The following ST18 variants were observed in gnomAD, a reference collection of about 807,000 sequenced individuals.
ST18 encodes ST18 C2H2C-type zinc finger transcription factor.
ST18 carries 50 observed loss-of-function variants against 110.0 expected under a neutral mutation model. That is an observed-to-expected ratio of 0.45 (90% CI 0.36 to 0.58). The LOEUF (loss-of-function observed/expected upper bound fraction) is 0.58, where lower values mean the gene tolerates loss of function less well. Among genes scored for constraint, ST18 ranks in the 20% least tolerant of loss-of-function variants. The pLI is 0.00. For missense variants in ST18, 1,306 were observed against 1,280.1 expected, an observed-to-expected ratio of 1.02 and a Z score of -0.31; for synonymous variants, 461 against 452.4, an observed-to-expected ratio of 1.02 and a Z score of -0.24.
chr8:52,376,001 G>A (rs1383766522), intron 2 of ST18, among the ~76,000 whole-genome samples: 2 of 152,100 alleles, frequency 1.3e-5, no homozygotes, highest in Non-Finnish European at 2.9e-5. Flanking sequence ...TCTACCTTCA[G>A]AGCACATCCA....
Position 52,118,401 on chromosome 8 carries a change from T to C in ST18, c.2796A>G (p.Glu932=), listed in dbSNP as rs755561058. The C allele has an allele frequency of 2.5e-6, 4 of 1,612,096 alleles. No homozygotes were observed. The South Asian group carries it at 4.4e-5, about 18-fold the overall frequency. ...SDEEIRHLDE[E]IKELNESNLK... is the part of the protein sequence containing the mutation. ...GGTTGGATTCATTCAGTTCCTTTAT[T>C]TCTTCATCCAAATGCCTAATTTCTT... The change falls in exon 24 of 26, where the codon GAA becomes GAG. Residue 932 remains glutamate, a synonymous_variant. Transcript: ENST00000689386.
chr8:52,338,877 A>C (rs1258439674), intron 2 of ST18, among the ~76,000 whole-genome samples: 1 of 152,096 alleles, frequency 6.6e-6, no homozygotes, highest in Admixed American at 6.5e-5. Flanking sequence ...AGCTGAGACT[A>C]CAGGCACAAG....
chr8:52,262,622 G>A lies in ST18; in HGVS notation c.-464-32545C>T, dbSNP rs12155846. 2.9e-3 allele frequency among the ~76,000 whole-genome samples: 445 copies of A among 152,254 alleles called. 1 individual carries two copies. The highest frequency in any genetic ancestry group is 4.7e-3 in the Non-Finnish European group (317 of 68,006). On this transcript the variant is annotated intron_variant, in intron 2 of 25. Transcript: ENST00000689386. ...AATGAACTACTTTTGTGTTTGTGTC[G>A]TTGTACATTTTTTCTGCTGATTTCT...
At position 52,218,219 on chromosome 8, in the gene ST18, C is replaced by T. The variant is rs117988124; in HGVS notation, c.-156-318G>A. 5.3e-5 allele frequency among the ~76,000 whole-genome samples: 8 copies of T among 151,944 alleles called. 1 individual carries two copies. The highest frequency in any genetic ancestry group is 6.8e-3 in the Middle Eastern group (2 of 294). On this transcript the variant is annotated intron_variant, in intron 5 of 25. Transcript: ENST00000689386. ...ATATATATTTATAATATACCTCTCTCTCTATATATAATATACATTTATAAG... is the reference window on the plus strand; with the variant it reads ...ATATATATTTATAATATACCTCTCTTTCTATATATAATATACATTTATAAG...
At position 52,172,364 on chromosome 8, in the gene ST18, T is replaced by C; in HGVS notation, c.497A>G (p.Glu166Gly). The change falls in exon 10 of 26, where the codon GAG becomes GGG. Residue 166 changes from glutamate to glycine, a missense_variant. By Grantham distance (98) the Glu-to-Gly change is moderately conservative. Coordinates refer to ENST00000689386, the MANE Select transcript of ST18 (RefSeq NM_001352837.2). The part of the protein sequence containing the change: ...SLKAESDEAD[E>G]CFLIHSDDGR... ...ATCATCAGAATGAATCAGAAAGCACTCGTCTGCTTCATCGCTCTCTGCTTT... is the reference window on the plus strand; with the variant it reads ...ATCATCAGAATGAATCAGAAAGCACCCGTCTGCTTCATCGCTCTCTGCTTT... 6.2e-7 allele frequency: 1 copy of C among 1,614,164 alleles called. No homozygotes were observed. Among genetic ancestry groups the C allele is most frequent in the Non-Finnish European group, 8.5e-7 (1 of 1,180,026 alleles).
intron 25 of ST18, 37 bp downstream of exon 25, chr8:52,116,238 T>C: frequency 6.2e-7 from 1 of 1,600,648 alleles, no homozygotes; most frequent in Non-Finnish European, 8.5e-7. Flanking sequence ...CTGCAAATGC[T>C]TGTAATGGAA....
chr8:52,188,273 G>T (rs2134633874), intron 8 of ST18, among the ~76,000 whole-genome samples: 1 of 152,328 alleles, frequency 6.6e-6, no homozygotes, highest in South Asian at 2.1e-4. Context: ...TTGAGATCAT[G>T]TGGTCAGGAA....
intron 2 of ST18, among the ~76,000 whole-genome samples, chr8:52,357,679 ATAT>A (rs1564567970): frequency 1.5e-4 from 3 of 19,716 alleles, no homozygotes; most frequent in African/African-American, 2.5e-4. Flanking sequence ...ATCTATAAAT[ATAT>A]ATATATATAT....
In ST18 at chr8:52,110,861, C is replaced by T. The variant is rs2040348525; in HGVS notation, c.*2337G>A. On this transcript the variant is annotated 3_prime_UTR_variant, in exon 26 of 26. Coordinates refer to ENST00000689386, the MANE Select transcript of ST18 (RefSeq NM_001352837.2). Reference sequence around the variant, plus strand: ...ACTCGTTATCAATTTTTATTTCCTACCATACACCAAATGTACAGCACTGAA... The same window carrying T: ...ACTCGTTATCAATTTTTATTTCCTATCATACACCAAATGTACAGCACTGAA... 1 of 384,510 alleles carries T rather than the reference C, an allele frequency of 2.6e-6. No individual in the cohort carries two copies. Among genetic ancestry groups the T allele is most frequent in the African/African-American group, 2.1e-5 (1 of 48,270 alleles). 23.8% of individuals were successfully genotyped at this position (384,510 alleles called of 1,614,324 possible). A position where few individuals can be genotyped will look rare whatever the true frequency, so the allele number is the denominator to read the frequency against.
At chr8:52,229,745 CACATTTTAAAATCAT>C (rs1343893804) in intron 3 of ST18, 1 of 152,116 alleles carries the variant, frequency 6.6e-6, no homozygotes, top group Non-Finnish European at 1.5e-5. Context: ...TCCTGTCTAC[CACATTTTAAAATCAT>C]ACATGTTAAT....
intron 3 of ST18, among the ~76,000 whole-genome samples, chr8:52,226,353 T>C (rs1220810703): frequency 3.9e-5 from 6 of 152,176 alleles, no homozygotes; most frequent in Admixed American, 3.9e-4. Context: ...CAAAATACTA[T>C]GAGCAAAAAA....
intron 2 of ST18, among the ~76,000 whole-genome samples, chr8:52,347,829 G>A (rs1272460174): frequency 6.6e-6 from 1 of 152,228 alleles, no homozygotes; most frequent in East Asian, 1.9e-4. Context: ...CTCTGGCTTT[G>A]AGCATGTGCA....
intron 2 of ST18, among the ~76,000 whole-genome samples, chr8:52,342,050 G>C (rs139399758): frequency 4.1e-4 from 62 of 152,328 alleles, no homozygotes; most frequent in African/African-American, 1.4e-3. Context: ...GTTAATAACA[G>C]TATACTGATT....
chr8:52,275,003 T>G (rs73679027), intron 2 of ST18, among the ~76,000 whole-genome samples: 1 of 152,164 alleles, frequency 6.6e-6, no homozygotes, highest in Non-Finnish European at 1.5e-5. Flanking sequence ...TTGTGACATT[T>G]TAATTCTGAT....
chr8:52,295,805 G>A (rs901201866), intron 2 of ST18, among the ~76,000 whole-genome samples: 3 of 148,628 alleles, frequency 2.0e-5, no homozygotes, highest in South Asian at 2.1e-4. Flanking sequence ...GACTTGCAGC[G>A]CCAGTTCTGC....
At chr8:52,402,304 G>C (rs77315315) in intron 2 of ST18, among the ~76,000 whole-genome samples, 1 of 152,180 alleles carries the variant, frequency 6.6e-6, no homozygotes, top group East Asian at 1.9e-4. Context: ...CTGTAGAACT[G>C]GGGTCCTGGG....
intron 2 of ST18, among the ~76,000 whole-genome samples, chr8:52,312,831 G>C (rs543791626): frequency 6.6e-6 from 1 of 152,170 alleles, no homozygotes; most frequent in Non-Finnish European, 1.5e-5. Context: ...CTATGATGTT[G>C]GAGGGGTCAG....
chr8:52,190,610 T>A lies in ST18; in HGVS notation c.87-10298A>T, dbSNP rs2134796505. ...GTAAATGTGTTCTTTTCCATCTCTA[T>A]CGGAAGCAGAACCAAGAGTAGTTAG... On this transcript the variant is annotated intron_variant, in intron 8 of 25. Transcript: ENST00000689386. 1.3e-5 allele frequency among the ~76,000 whole-genome samples: 2 copies of A among 152,306 alleles called. 1 individual carries two copies. The highest frequency in any genetic ancestry group is 4.1e-4 in the South Asian group (2 of 4,828).
intron 2 of ST18, among the ~76,000 whole-genome samples, chr8:52,312,353 C>T (rs2095934099): frequency 6.6e-6 from 1 of 152,190 alleles, no homozygotes; most frequent in Non-Finnish European, 1.5e-5. Flanking sequence ...TAGTTAATGC[C>T]TTCATAATGC....
Sources: allele counts gnomAD v4.1 joint callset (sites outside exome capture counted in the v4.1 genomes callset), GRCh38; gene constraint gnomAD v4.1.1; transcripts MANE v1.5; gene names NCBI Gene and HGNC (gene_info 2026-07-23, HGNC 2026-07-21).